Variants in PAPPA2 observed in about 807,000 individuals in gnomAD.
The protein encoded by PAPPA2 is pappalysin 2, also known as pappalysin-2.
A neutral mutation model predicts 176.4 loss-of-function variants in PAPPA2; 86 were observed. That is an observed-to-expected ratio of 0.49 (90% CI 0.41 to 0.58). The LOEUF (loss-of-function observed/expected upper bound fraction) is 0.58. Among genes scored for constraint, PAPPA2 ranks in the 20% least tolerant of loss-of-function variants. The pLI is 0.00. For synonymous variants in PAPPA2, 809 were observed against 852.2 expected (o/e 0.95, Z 0.88); for missense variants, 2,073 against 2,256.9 (o/e 0.92, Z 1.65).
chr1:176,837,612 C>T (rs1161502343), intron 21 of PAPPA2, among the ~76,000 whole-genome samples: 1 of 151,454 alleles, frequency 6.6e-6, no homozygotes, highest in Non-Finnish European at 1.5e-5. Flanking sequence ...TTATGTGAAA[C>T]GCTTTATTTT....
At chr1:176,538,798 C>T (rs1224310724) in intron 1 of PAPPA2, among the ~76,000 whole-genome samples, 1 of 152,192 alleles carries the variant, frequency 6.6e-6, no homozygotes, top group African/African-American at 2.4e-5. Context: ...GCCAGCTCTT[C>T]ATTCATGGGT....
chr1:176,719,036 A>G (rs1276462583), intron 12 of PAPPA2, among the ~76,000 whole-genome samples: 3 of 151,992 alleles, frequency 2.0e-5, no homozygotes, highest in Non-Finnish European at 2.9e-5. Flanking sequence ...TTGGATTTGT[A>G]TGTTTCTCTT....
At chr1:176,745,451 G>A (rs1420208442) in intron 14 of PAPPA2, among the ~76,000 whole-genome samples, 1 of 152,150 alleles carries the variant, frequency 6.6e-6, no homozygotes, top group African/African-American at 2.4e-5. Flanking sequence ...AAGACCAAAG[G>A]CACAATCAAA....
rs758360990 is a variant in PAPPA2, at chr1:176,842,368, T to C, written c.5302-12T>C. On this transcript the variant is annotated splice_polypyrimidine_tract_variant and intron_variant, in intron 22 of 22. Coordinates refer to ENST00000367662, the MANE Select transcript of PAPPA2 (RefSeq NM_020318.3). ...GAAATGAGCTATTTCTACTTCCCTT[T>C]CATTCCCCTAGGTCATTCCATTTGC... is the stretch of plus-strand genomic sequence containing the variant. The C allele has an allele frequency of 2.4e-5, 39 of 1,611,240 alleles. No homozygotes were observed. The highest frequency in any genetic ancestry group is 3.3e-5 in the Non-Finnish European group (39 of 1,177,904).
chr1:176,830,028 G>T (rs1326471360), intron 21 of PAPPA2, among the ~76,000 whole-genome samples: 1 of 152,204 alleles, frequency 6.6e-6, no homozygotes, highest in Non-Finnish European at 1.5e-5. Flanking sequence ...ATATTTTGGG[G>T]TGAGTAATTG....
At chr1:176,645,429 C>T (rs577475508) in intron 3 of PAPPA2, among the ~76,000 whole-genome samples, 17 of 151,814 alleles carry the variant, frequency 1.1e-4, no homozygotes, top group African/African-American at 4.1e-4. Flanking sequence ...GGATTTCATT[C>T]TTTTTATGGC....
intron 3 of PAPPA2, among the ~76,000 whole-genome samples, chr1:176,605,724 C>G (rs1654572764): frequency 6.6e-6 from 1 of 152,166 alleles, no homozygotes; most frequent in South Asian, 2.1e-4. Context: ...AGGTTTCTGG[C>G]CAACCTTGGG....
At chr1:176,496,974 C>G (rs1052092826) in intron 1 of PAPPA2, among the ~76,000 whole-genome samples, 1 of 152,084 alleles carries the variant, frequency 6.6e-6, no homozygotes, top group Admixed American at 6.5e-5. Context: ...GAAACATTCC[C>G]TCAACCTTTT....
At chr1:176,717,965 C>A (rs1382852967) in intron 12 of PAPPA2, among the ~76,000 whole-genome samples, 1 of 151,992 alleles carries the variant, frequency 6.6e-6, no homozygotes, top group Non-Finnish European at 1.5e-5. Context: ...AAATAAGTTT[C>A]TTAAATAAGT....
intron 1 of PAPPA2, among the ~76,000 whole-genome samples, chr1:176,472,833 T>C (rs1057364554): frequency 2.6e-5 from 4 of 152,174 alleles, no homozygotes; most frequent in Admixed American, 6.6e-5. Flanking sequence ...TGTCTCTACT[T>C]TTTGTGATTT....
intron 1 of PAPPA2, among the ~76,000 whole-genome samples, chr1:176,488,774 TCTCCCCCACTTCCTC>T (rs1293251390): frequency 1.3e-5 from 2 of 152,142 alleles, no homozygotes; most frequent in Non-Finnish European, 1.5e-5. Flanking sequence ...TTGGTTCCTC[TCTCCCCCACTTCCTC>T]CTTGTTCTCT....
chr1:176,823,461 A>G (rs561758902), intron 21 of PAPPA2, among the ~76,000 whole-genome samples: 17 of 152,336 alleles, frequency 1.1e-4, no homozygotes, highest in African/African-American at 3.8e-4. Context: ...GCCAGTGTTG[A>G]TCCAATGAGG....
chr1:176,682,468 T>G (rs1042626455), intron 4 of PAPPA2, among the ~76,000 whole-genome samples: 3 of 152,302 alleles, frequency 2.0e-5, no homozygotes, highest in African/African-American at 7.2e-5. Flanking sequence ...TTTATTGTTA[T>G]GGATCTTAAT....
At chr1:176,533,781 G>A (rs1241796084) in intron 1 of PAPPA2, among the ~76,000 whole-genome samples, 1 of 152,192 alleles carries the variant, frequency 6.6e-6, no homozygotes, top group Non-Finnish European at 1.5e-5. Context: ...AAGCTGTCAG[G>A]TGATGCTGAT....
chr1:176,703,259 T>G (rs1660742156), intron 9 of PAPPA2, among the ~76,000 whole-genome samples: 1 of 152,214 alleles, frequency 6.6e-6, no homozygotes, highest in Non-Finnish European at 1.5e-5. Flanking sequence ...TTTCCAGCTA[T>G]TCTGTAGGCA....
chr1:176,490,701 C>A (rs561563118), intron 1 of PAPPA2, among the ~76,000 whole-genome samples: 1 of 152,210 alleles, frequency 6.6e-6, no homozygotes, highest in Non-Finnish European at 1.5e-5. Flanking sequence ...GAAGCCAGTG[C>A]AGGAATCAGC....
chr1:176,496,691 G>A (rs1237808402), intron 1 of PAPPA2, among the ~76,000 whole-genome samples: 1 of 152,178 alleles, frequency 6.6e-6, no homozygotes, highest in Non-Finnish European at 1.5e-5. Context: ...CAAATGATGA[G>A]CCACGGGAAT....
intron 1 of PAPPA2, among the ~76,000 whole-genome samples, chr1:176,520,773 C>T (rs1296876993): frequency 6.6e-6 from 1 of 152,022 alleles, no homozygotes; most frequent in Non-Finnish European, 1.5e-5. Context: ...GTCTTGCAAC[C>T]AGCCTCTCCT....
chr1:176,823,985 G>A (rs2102976901), intron 21 of PAPPA2, among the ~76,000 whole-genome samples: 1 of 152,320 alleles, frequency 6.6e-6, no homozygotes, highest in South Asian at 2.1e-4. Context: ...AAAGAAAGGA[G>A]AAAAGAGTCT....
Sources: allele counts gnomAD v4.1 joint callset (sites outside exome capture counted in the v4.1 genomes callset), GRCh38; gene constraint gnomAD v4.1.1; transcripts MANE v1.5; gene names NCBI Gene and HGNC (gene_info 2026-07-23, HGNC 2026-07-21).